NUDC: variants seen among roughly 807,000 people sequenced by gnomAD.
NUDC encodes the protein nuclear distribution C, dynein complex regulator.
NUDC carries 14 observed loss-of-function variants against 45.0 expected under a neutral mutation model. The observed-to-expected ratio is 0.31, with a 90% CI of 0.21 to 0.49. The LOEUF is 0.49. Among genes scored for constraint, NUDC ranks in the 20% least tolerant of loss-of-function variants. The pLI, the probability that NUDC is intolerant of heterozygous loss-of-function variation, is 0.99. For missense variants in NUDC, 323 were observed against 426.2 expected (o/e 0.76, Z 2.13); for synonymous variants, 153 against 156.7 (o/e 0.98, Z 0.17).
At chr1:26,920,776 C>CAAAAAAAA (rs758430801), upstream of NUDC, among the ~76,000 whole-genome samples, 3 of 133,738 alleles carry the variant, frequency 2.2e-5, no homozygotes, top group Admixed American at 7.4e-5. Flanking sequence ...AAACAAAAAA[C>CAAAAAAAA]AAAAAAAAAA....
chr1:26,913,812 C>T lies in NUDC; in HGVS notation c.93+2577C>T, dbSNP rs1021652257. 10 of 1,520,290 alleles carry T rather than the reference C, an allele frequency of 6.6e-6. No homozygotes were observed. In the Middle Eastern group the frequency reaches 5.3e-4, roughly 81 times the overall value. 94.2% of individuals were successfully genotyped at this position (1,520,290 alleles called of 1,614,324 possible). On this transcript the variant is annotated intron_variant, in intron 3 of 6. Coordinates refer to the NUDC transcript ENST00000435827. Reference sequence around the variant, plus strand: ...GTGCACATAGCTGGACGGGCCGGTGCTGCCTACATAGGCAGCGGCTACGGG... The same window carrying T: ...GTGCACATAGCTGGACGGGCCGGTGTTGCCTACATAGGCAGCGGCTACGGG...
rs1269648015 is a variant in NUDC, at chr1:26,900,498, C to A, written c.-101+98C>A. On this transcript the variant is annotated intron_variant, in intron 1 of 6. Coordinates refer to the NUDC transcript ENST00000435827. ...AGTCTCGCGAGAACACCGCGAGCAA[C>A]GTTCCAGCCCCTGCGTTGCGAGATT... 2.1e-6 allele frequency: 3 copies of A among 1,434,328 alleles called. No homozygotes were observed. The African/African-American group carries it at 4.2e-5, about 20-fold the overall frequency. The allele number at this position is 1,434,328 out of a possible 1,614,324, so 88.9% of individuals were successfully genotyped here.
chr1:26,917,869 A>C (rs919697788), upstream of NUDC, among the ~76,000 whole-genome samples: 8 of 151,706 alleles, frequency 5.3e-5, no homozygotes, highest in African/African-American at 1.7e-4. Context: ...CTAGGCGACA[A>C]GAGTGAGACT....
intron 3 of NUDC, among the ~76,000 whole-genome samples, chr1:26,913,131 C>T (rs993147982): frequency 6.6e-6 from 1 of 152,004 alleles, no homozygotes; most frequent in African/African-American, 2.4e-5. Flanking sequence ...CTAAAAAGTA[C>T]AAAAATTAGC....
upstream of NUDC, among the ~76,000 whole-genome samples, chr1:26,919,652 A>G (rs927397350): frequency 2.6e-5 from 4 of 152,162 alleles, no homozygotes; most frequent in African/African-American, 4.8e-5. Flanking sequence ...TGACTTAACT[A>G]TACACAAAAG....
chr1:26,929,306 C>T (rs868211884), intron 2 of NUDC, among the ~76,000 whole-genome samples: 13 of 151,834 alleles, frequency 8.6e-5, no homozygotes, highest in Middle Eastern at 3.4e-3. Context: ...GACGTGGTGA[C>T]GCACACCTGT....
In NUDC at chr1:26,921,934, C is replaced by T; in HGVS notation, c.81+5C>T. 1.3e-6 allele frequency: 2 copies of T among 1,549,794 alleles called. No homozygotes were observed. Among genetic ancestry groups the T allele is most frequent in the Middle Eastern group, 1.7e-4 (1 of 5,778 alleles). On this transcript the variant is annotated splice_donor_5th_base_variant and intron_variant, in intron 1 of 8. Transcript: ENST00000321265. ...CACGAGGGCGGCGTGCAGGAGGTAA[C>T]GGCCCGCGCGGCGTCGGCCCACCCG...
At chr1:26,935,386 G>A (rs1315446888) in intron 2 of NUDC, among the ~76,000 whole-genome samples, 8 of 152,108 alleles carry the variant, frequency 5.3e-5, no homozygotes, top group Admixed American at 5.2e-4. Context: ...CAGGAAAGAG[G>A]TTTAATTGAC....
upstream of NUDC, chr1:26,900,162 G>C (rs1257830055): frequency 2.5e-6 from 4 of 1,614,078 alleles, no homozygotes; most frequent in African/African-American, 2.7e-5. Flanking sequence ...GATTGGAGTA[G>C]AGTCTCGAGT....
At chr1:26,943,760 A>C (rs1474328423) in intron 6 of NUDC, among the ~76,000 whole-genome samples, 6 of 152,122 alleles carry the variant, frequency 3.9e-5, no homozygotes, top group Non-Finnish European at 8.8e-5. Flanking sequence ...CTTTACAGAG[A>C]GGTAGGACAC....
chr1:26,911,510 A>G (rs2082026197), intron 3 of NUDC: 1 of 359,340 alleles, frequency 2.8e-6, no homozygotes, highest in South Asian at 2.3e-5. Flanking sequence ...CTTTTATTAC[A>G]AAAATCAATA....
At chr1:26,945,041 T>C in intron 6 of NUDC, 1 of 318,594 alleles carries the variant, frequency 3.1e-6, no homozygotes, top group Admixed American at 4.3e-5. Flanking sequence ...AGACTCCATC[T>C]CAAAAAATAT....
intron 2 of NUDC, among the ~76,000 whole-genome samples, chr1:26,930,607 G>A (rs2124110958): frequency 6.6e-6 from 1 of 151,654 alleles, no homozygotes; most frequent in South Asian, 2.1e-4. Flanking sequence ...CTACTCTGCA[G>A]ACCAAGGTGG....
At chr1:26,905,944 T>C (rs2124052439) in intron 2 of NUDC, among the ~76,000 whole-genome samples, 1 of 152,110 alleles carries the variant, frequency 6.6e-6, no homozygotes, top group East Asian at 1.9e-4. Flanking sequence ...GTCAGGACTT[T>C]GAGACCAACC....
chr1:26,937,817 T>G (rs1194526302), intron 2 of NUDC, among the ~76,000 whole-genome samples: 1 of 151,600 alleles, frequency 6.6e-6, no homozygotes, highest in Non-Finnish European at 1.5e-5. Context: ...CTCAGCTAAT[T>G]TTTGTATTTT....
At chr1:26,920,967 G>A (rs558640096), upstream of NUDC, among the ~76,000 whole-genome samples, 11 of 152,072 alleles carry the variant, frequency 7.2e-5, no homozygotes, top group East Asian at 1.9e-4. Flanking sequence ...ATATTAAAGC[G>A]TGTTTGTAAA....
chr1:26,944,346 G>A (rs1360997844), intron 6 of NUDC, among the ~76,000 whole-genome samples: 1 of 152,038 alleles, frequency 6.6e-6, no homozygotes, highest in African/African-American at 2.4e-5. Context: ...GTAACTGCGA[G>A]CGCCACCCTA....
chr1:26,929,337 C>A (rs773930724), intron 2 of NUDC, among the ~76,000 whole-genome samples: 14 of 151,468 alleles, frequency 9.2e-5, no homozygotes, highest in Non-Finnish European at 2.1e-4. Flanking sequence ...ACTTGGGTGG[C>A]TGAGATGGGA....
At chr1:26,918,209 C>A (rs2082071321), upstream of NUDC, among the ~76,000 whole-genome samples, 1 of 148,000 alleles carries the variant, frequency 6.8e-6, no homozygotes, top group African/African-American at 2.5e-5. Flanking sequence ...CATGCTGTAT[C>A]CCCCAGCTGC....
Sources: allele counts gnomAD v4.1 joint callset (sites outside exome capture counted in the v4.1 genomes callset), GRCh38; gene constraint gnomAD v4.1.1; transcripts MANE v1.5; gene names NCBI Gene and HGNC (gene_info 2026-07-23, HGNC 2026-07-21).